C1QB: variants seen among roughly 807,000 people sequenced by gnomAD.
C1QB encodes complement C1q subcomponent subunit B.
In C1QB, 2 loss-of-function variants were observed where a neutral mutation model predicts 4.6. That is an observed-to-expected ratio of 0.43 (90% confidence interval 0.18 to 1.36). The LOEUF (loss-of-function observed/expected upper bound fraction) is 1.36, where lower values mean the gene tolerates loss of function less well. Among genes scored for constraint, C1QB ranks in the 40% most tolerant of loss-of-function variants. C1QB has a pLI of 0.28. For synonymous variants in C1QB, 132 were observed against 137.1 expected, an observed-to-expected ratio of 0.96 and a Z score of 0.26; for missense variants, 292 against 338.0, an observed-to-expected ratio of 0.86 and a Z score of 1.07.
chr1:22,658,132 G>A (rs1642554413), intron 1 of C1QB, among the ~76,000 whole-genome samples: 1 of 152,152 alleles, frequency 6.6e-6, no homozygotes, highest in Non-Finnish European at 1.5e-5. Flanking sequence ...CCTGAATTCA[G>A]AAGCTCTACT....
At chr1:22,657,930 G>A (rs1385868074) in intron 1 of C1QB, among the ~76,000 whole-genome samples, 1 of 152,148 alleles carries the variant, frequency 6.6e-6, no homozygotes, top group Non-Finnish European at 1.5e-5. Flanking sequence ...CAGAGTCACA[G>A]CTCTGAGAAT....
intron 1 of C1QB, among the ~76,000 whole-genome samples, chr1:22,656,133 C>T (rs1642528296): frequency 6.6e-6 from 1 of 152,106 alleles, no homozygotes; most frequent in Non-Finnish European, 1.5e-5. Flanking sequence ...GTTTGTGCAG[C>T]AGGGGAGTGC....
chr1:22,656,771 C>A (rs57902779), intron 1 of C1QB, among the ~76,000 whole-genome samples: 1 of 152,184 alleles, frequency 6.6e-6, no homozygotes, highest in Non-Finnish European at 1.5e-5. Context: ...ACTGCTCCCC[C>A]TCAGACACCA....
rs555943495 is a variant in C1QB, at chr1:22,659,523, G to A, written c.61G>A (p.Asp21Asn). The part of the protein sequence containing the change: ...LMLLLLLGLI[D>N]ISQAQLSCTG... ...GTTGCTCCTGCTCCTGGGCCTAATC[G>A]ATATCTCCCAGGCCCAGCTCAGCTG... Residue 21 changes from aspartate (D) to asparagine (N), a missense_variant, in exon 2 of 3, where the codon GAT becomes AAT. Coordinates refer to ENST00000509305, the MANE Select transcript of C1QB (RefSeq NM_001378156.1). 57 of 1,613,884 alleles carry A rather than the reference G, an allele frequency of 3.5e-5. No individual in the cohort carries two copies. Among genetic ancestry groups the A allele is most frequent in the Non-Finnish European group, 4.4e-5 (52 of 1,179,992 alleles).
chr1:22,659,555 G>A lies in C1QB; in HGVS notation c.93G>A (p.Gly31=), dbSNP rs1642589476. 4.3e-6 allele frequency: 7 copies of A among 1,613,900 alleles called. No individual in the cohort carries two copies. Among genetic ancestry groups the A allele is most frequent in the Admixed American group, 1.7e-5 (1 of 59,982 alleles). The part of the protein sequence containing the change: ...DISQAQLSCT[G]PPAIPGIPGI... Reference sequence around the variant, plus strand: ...CCCAGGCCCAGCTCAGCTGCACCGGGCCCCCAGCCATCCCTGGCATCCCGG... The same window carrying A: ...CCCAGGCCCAGCTCAGCTGCACCGGACCCCCAGCCATCCCTGGCATCCCGG... The change falls in exon 2 of 3, where the codon GGG becomes GGA. Residue 31 remains glycine, a synonymous_variant. Transcript: ENST00000509305.
rs777391100 is a variant in C1QB, at chr1:22,659,601, C to G, written c.139C>G (p.Pro47Ala). The G allele has an allele frequency of 6.2e-7, 1 of 1,613,822 alleles. No individual in the cohort carries two copies. The highest frequency in any genetic ancestry group is 1.7e-5 in the Admixed American group (1 of 59,978). ...GIPGIPGTPG[P>A]DGQPGTPGIK... ...CCCGGGTATCCCTGGGACACCTGGCCCCGATGGCCAACCTGGGACCCCAGG... is the reference window on the plus strand; with the variant it reads ...CCCGGGTATCCCTGGGACACCTGGCGCCGATGGCCAACCTGGGACCCCAGG... Residue 47 changes from proline (P) to alanine (A), a missense_variant, in exon 2 of 3, where the codon CCC (proline) becomes GCC (alanine). Coordinates refer to ENST00000509305, the MANE Select transcript of C1QB (RefSeq NM_001378156.1).
intron 1 of C1QB, among the ~76,000 whole-genome samples, chr1:22,656,564 G>A (rs1262780628): frequency 1.3e-5 from 2 of 152,164 alleles, no homozygotes; most frequent in Non-Finnish European, 2.9e-5. Flanking sequence ...AGGTCTGTAA[G>A]TGGAAAGACA....
chr1:22,661,044 C>A lies in C1QB; in HGVS notation c.414C>A (p.Ile138=), dbSNP rs779720799. The change falls in exon 3 of 3, where the codon ATC becomes ATA. Residue 138 remains isoleucine (I), a synonymous_variant. Coordinates refer to ENST00000509305, the MANE Select transcript of C1QB (RefSeq NM_001378156.1). ...TCCCCCTGCGCCGGGACCAGACCAT[C>A]CGCTTCGACCACGTGATCACCAACA... ...INVPLRRDQT[I]RFDHVITNMN... is the part of the protein sequence containing the mutation. 3.1e-6 allele frequency: 5 copies of A among 1,614,094 alleles called. No individual in the cohort carries two copies. Among genetic ancestry groups the A allele is most frequent in the Non-Finnish European group, 4.2e-6 (5 of 1,180,020 alleles).
intron 1 of C1QB, chr1:22,654,220 G>A (rs1200688010): frequency 6.6e-6 from 1 of 152,404 alleles, no homozygotes; most frequent in Non-Finnish European, 1.5e-5. Context: ...GGCTGGCACA[G>A]GCAGGAGGCA....
At chr1:22,658,951 AG>A (rs1642570563) in intron 1 of C1QB, among the ~76,000 whole-genome samples, 1 of 144,666 alleles carries the variant, frequency 6.9e-6, no homozygotes, top group African/African-American at 2.6e-5. Flanking sequence ...GGATGGATGG[AG>A]AGGAGGATGG....
At chr1:22,657,531 G>A (rs1642546538) in intron 1 of C1QB, among the ~76,000 whole-genome samples, 1 of 152,162 alleles carries the variant, frequency 6.6e-6, no homozygotes, top group African/African-American at 2.4e-5. Context: ...GAAATAATAG[G>A]AATAGGTAAA....
chr1:22,654,766 T>TC (rs1642507643), intron 1 of C1QB, among the ~76,000 whole-genome samples: 1 of 152,176 alleles, frequency 6.6e-6, no homozygotes, highest in South Asian at 2.1e-4. Context: ...CACTACAGGC[T>TC]CCCGCCACCA....
In C1QB at chr1:22,660,900, G is replaced by A. The variant is rs1557612820; in HGVS notation, c.270G>A (p.Lys90=). 7 of 1,611,954 alleles carry A rather than the reference G, an allele frequency of 4.3e-6. No homozygotes were observed. Among genetic ancestry groups the A allele is most frequent in the Non-Finnish European group, 5.9e-6 (7 of 1,179,398 alleles). ...GGAATCCAGGAAAAGTCGGCCCCAAGGGCCCCATGGGCCCTAAAGGTGGCC... is the reference window on the plus strand; with the variant it reads ...GGAATCCAGGAAAAGTCGGCCCCAAAGGCCCCATGGGCCCTAAAGGTGGCC... ...IPGNPGKVGP[K]GPMGPKGGPG... is the part of the protein sequence containing the mutation. The change falls in exon 3 of 3, where the codon AAG becomes AAA. Residue 90 remains lysine (K), a synonymous_variant. Transcript: ENST00000509305.
intron 1 of C1QB, among the ~76,000 whole-genome samples, chr1:22,656,088 G>A (rs756013255): frequency 3.3e-5 from 5 of 152,270 alleles, no homozygotes; most frequent in South Asian, 2.1e-4. Flanking sequence ...TGCAGCTAGC[G>A]TTGTGATTAG....
At chr1:22,658,255 C>A (rs1411477276) in intron 1 of C1QB, among the ~76,000 whole-genome samples, 1 of 152,196 alleles carries the variant, frequency 6.6e-6, no homozygotes. Flanking sequence ...TGGCCTCCTG[C>A]TGATCCTCAA....
At position 22,661,491 on chromosome 1, in the gene C1QB, A is replaced by T; in HGVS notation, c.*105A>T. 7.5e-7 allele frequency: 1 copy of T among 1,332,992 alleles called. No individual in the cohort carries two copies. Among genetic ancestry groups the T allele is most frequent in the Non-Finnish European group, 1.1e-6 (1 of 936,344 alleles). The allele number at this position is 1,332,992 out of a possible 1,614,324, so 82.6% of individuals were successfully genotyped here. A position where few individuals can be genotyped will look rare whatever the true frequency, so the allele number is the denominator to read the frequency against. The stretch of plus-strand genomic sequence containing the variant: ...CCAATGCACACAGTAGGGCTTGGTG[A>T]ATGCTGCTGAGTGAATGAGTAAATA... On this transcript the variant is annotated 3_prime_UTR_variant, in exon 3 of 3. Transcript: ENST00000509305.
chr1:22,656,510 A>G (rs889769991), intron 1 of C1QB, among the ~76,000 whole-genome samples: 1 of 152,170 alleles, frequency 6.6e-6, no homozygotes, highest in Non-Finnish European at 1.5e-5. Flanking sequence ...CCCATCTCAA[A>G]AAAAACCAAA....
At chr1:22,654,961 T>C (rs1033140155) in intron 1 of C1QB, among the ~76,000 whole-genome samples, 1 of 152,176 alleles carries the variant, frequency 6.6e-6, no homozygotes, top group African/African-American at 2.4e-5. Flanking sequence ...TAACATAACA[T>C]TGAGTTTTAA....
In C1QB at chr1:22,661,021, C is replaced by T; in HGVS notation, c.391C>T (p.Pro131Ser). 2 of 1,614,028 alleles carry T rather than the reference C, an allele frequency of 1.2e-6. No individual in the cohort carries two copies. The highest frequency in any genetic ancestry group is 1.1e-5 in the South Asian group (1 of 91,068). Residue 131 changes from proline (P) to serine (S), a missense_variant, in exon 3 of 3, where the codon CCC (proline) becomes TCC (serine). Pro to Ser is a moderately conservative substitution (Grantham distance 74). Transcript: ENST00000509305. ...CTCTGCCACAAGAACCATCAACGTC[C>T]CCCTGCGCCGGGACCAGACCATCCG... ...AFSATRTINVPLRRDQTIRFD... is the reference protein window; with the variant it reads ...AFSATRTINVSLRRDQTIRFD...
Sources: gnomAD v4.1 joint callset for allele counts (sites outside exome capture counted in the v4.1 genomes callset) on GRCh38, gnomAD v4.1.1 for gene constraint, MANE v1.5 for transcripts, NCBI Gene and HGNC (gene_info 2026-07-23, HGNC 2026-07-21) for gene names.